PSD3: variants seen among roughly 807,000 people sequenced by gnomAD.
The protein encoded by PSD3 is PH and SEC7 domain-containing protein 3.
In PSD3, 49 loss-of-function variants were observed where a neutral mutation model predicts 105.5. That is an observed-to-expected ratio of 0.46 (90% CI 0.37 to 0.59). The LOEUF (loss-of-function observed/expected upper bound fraction) is 0.59, where lower values mean the gene tolerates loss of function less well. Ranked by LOEUF, PSD3 falls within the 20% of genes least tolerant of loss-of-function variation. The probability of loss-of-function intolerance (pLI) is 0.00; values close to 1 mark genes in which losing one functional copy is unlikely to be tolerated. For synonymous variants in PSD3, 557 were observed against 457.8 expected, an observed-to-expected ratio of 1.22 and a Z score of -2.77; for missense variants, 1,561 against 1,263.8, an observed-to-expected ratio of 1.24 and a Z score of -3.57.
At chr8:18,600,258 C>T in intron 12 of PSD3, 106 bp downstream of exon 12, 1 of 1,067,194 alleles carries the variant, frequency 9.4e-7, no homozygotes, top group Non-Finnish European at 1.4e-6. Flanking sequence ...AAACAAACTG[C>T]AGAAAGTGAA....
chr8:18,871,730 T>A lies in PSD3; in HGVS notation c.1134A>T (p.Thr378=). ...TCTCATCAAGACGCACAGGGGAAAA[T>A]GTCCCCGAGCTAGTGCCAGGCCTCT... ...PSERPGTSSG[T]FSPVRLDESG... is the part of the protein sequence containing the mutation. The change falls in exon 3 of 16, where the codon ACA becomes ACT. Residue 378 remains threonine, a synonymous_variant. Transcript: ENST00000327040. 6.2e-7 allele frequency: 1 copy of A among 1,614,128 alleles called. No homozygotes were observed. Among genetic ancestry groups the A allele is most frequent in the Middle Eastern group, 1.6e-4 (1 of 6,062 alleles).
At chr8:18,785,084 T>C (rs1809010829) in intron 8 of PSD3, among the ~76,000 whole-genome samples, 1 of 152,116 alleles carries the variant, frequency 6.6e-6, no homozygotes, top group African/African-American at 2.4e-5. Context: ...CTATCATTCA[T>C]CCAAGGCATC....
intron 4 of PSD3, among the ~76,000 whole-genome samples, chr8:18,837,351 C>G (rs1416526525): frequency 6.6e-6 from 1 of 152,078 alleles, no homozygotes; most frequent in South Asian, 2.1e-4. Flanking sequence ...TACTATGACA[C>G]CATGTATTTA....
At chr8:18,606,049 A>C (rs951400756) in intron 11 of PSD3, among the ~76,000 whole-genome samples, 1 of 152,144 alleles carries the variant, frequency 6.6e-6, no homozygotes, top group Non-Finnish European at 1.5e-5. Flanking sequence ...ACAGATTTCT[A>C]CCCTGAGTCT....
chr8:19,065,843 C>A (rs1335326521), intron 1 of PSD3, among the ~76,000 whole-genome samples: 1 of 152,130 alleles, frequency 6.6e-6, no homozygotes, highest in African/African-American at 2.4e-5. Flanking sequence ...CTCTCCCATC[C>A]CCAGAGGCTA....
In PSD3 at chr8:18,638,293, C is replaced by G. The variant is rs535189239; in HGVS notation, c.2217-5487G>C. Among the ~76,000 whole-genome samples, 11 of 150,690 alleles carry G rather than the reference C, an allele frequency of 7.3e-5. No individual in the cohort carries two copies. The South Asian group carries it at 2.3e-3, about 32-fold the overall frequency. ...CCACTCTCACCACTTTTGTTCAACA[C>G]AGTTTTGGGAGTTTTAGGCTGAGCA... On this transcript the variant is annotated intron_variant, in intron 10 of 15. Transcript: ENST00000327040.
At chr8:18,953,564 C>A (rs1353271801) in intron 1 of PSD3, among the ~76,000 whole-genome samples, 1 of 152,050 alleles carries the variant, frequency 6.6e-6, no homozygotes, top group Non-Finnish European at 1.5e-5. Context: ...GCCTGGCCAA[C>A]ATGTTAAAAC....
intron 9 of PSD3, among the ~76,000 whole-genome samples, chr8:18,701,423 T>G (rs1480687960): frequency 6.6e-6 from 1 of 152,218 alleles, no homozygotes; most frequent in African/African-American, 2.4e-5. Flanking sequence ...CAGTAACCTA[T>G]TTCAACAAGC....
At chr8:19,016,699 TAAAGA>T (rs200933045), upstream of PSD3, among the ~76,000 whole-genome samples, 134 of 152,262 alleles carry the variant, frequency 8.8e-4, 1 homozygote, top group East Asian at 0.023. Flanking sequence ...AGGTAATTAA[TAAAGA>T]AAAGAAATGA....
upstream of PSD3, among the ~76,000 whole-genome samples, chr8:19,018,424 T>G (rs770340622): frequency 9.2e-5 from 14 of 152,152 alleles, no homozygotes; most frequent in Admixed American, 9.2e-4. Flanking sequence ...TTGGGTGATG[T>G]TACATTTGTC....
chr8:18,882,838 GAT>G (rs555319897), intron 2 of PSD3, among the ~76,000 whole-genome samples: 2 of 150,418 alleles, frequency 1.3e-5, no homozygotes, highest in African/African-American at 2.5e-5. Context: ...AGCTTATGTA[GAT>G]ATATATACAC....
chr8:18,828,047 GTA>G (rs368464281), intron 4 of PSD3, among the ~76,000 whole-genome samples: 2,070 of 126,342 alleles, frequency 0.016, 29 homozygotes, highest in African/African-American at 0.019. Flanking sequence ...ATATATATAT[GTA>G]TATATATATA....
At chr8:18,966,328 G>C (rs542877246) in intron 1 of PSD3, among the ~76,000 whole-genome samples, 4 of 152,110 alleles carry the variant, frequency 2.6e-5, no homozygotes, top group Admixed American at 1.3e-4. Flanking sequence ...CCAGCACTTT[G>C]GGAGGCCGAG....
intron 1 of PSD3, among the ~76,000 whole-genome samples, chr8:19,022,576 A>G (rs188660816): frequency 1.3e-5 from 2 of 152,260 alleles, no homozygotes; most frequent in East Asian, 3.9e-4. Flanking sequence ...CTCTCACTCT[A>G]GGTTTCGTGG....
At chr8:19,074,223 G>C (rs1829371786) in intron 1 of PSD3, among the ~76,000 whole-genome samples, 1 of 152,132 alleles carries the variant, frequency 6.6e-6, no homozygotes, top group South Asian at 2.1e-4. Context: ...TCAAATCACT[G>C]GCTTGGATCG....
chr8:18,647,792 C>A (rs1265669693), intron 10 of PSD3, among the ~76,000 whole-genome samples: 1 of 152,034 alleles, frequency 6.6e-6, no homozygotes, highest in Non-Finnish European at 1.5e-5. Flanking sequence ...ATGGCATTAC[C>A]CCCTTTAGTA....
chr8:18,784,795 C>T (rs544536737), intron 8 of PSD3, among the ~76,000 whole-genome samples: 12 of 152,318 alleles, frequency 7.9e-5, no homozygotes, highest in Non-Finnish European at 1.8e-4. Context: ...CTTCCAAGCA[C>T]ATAGATGTAC....
intron 1 of PSD3, among the ~76,000 whole-genome samples, chr8:18,952,374 G>A (rs1823294427): frequency 6.9e-6 from 1 of 144,670 alleles, no homozygotes; most frequent in South Asian, 2.2e-4. Flanking sequence ...ACTTGTTTCT[G>A]GGGAAAAATA....
intron 2 of PSD3, among the ~76,000 whole-genome samples, chr8:18,902,833 G>C (rs1220894888): frequency 6.6e-6 from 1 of 152,224 alleles, no homozygotes; most frequent in East Asian, 1.9e-4. Flanking sequence ...GTTCGTGGCA[G>C]TGGTGACAGT....
Sources: allele counts gnomAD v4.1 joint callset (sites outside exome capture counted in the v4.1 genomes callset), GRCh38; gene constraint gnomAD v4.1.1; transcripts MANE v1.5; gene names NCBI Gene and HGNC (gene_info 2026-07-23, HGNC 2026-07-21).